The following GATM variants were observed in gnomAD, a reference collection of about 807,000 sequenced individuals.
The protein encoded by GATM is glycine amidinotransferase.
Under a neutral mutation model 54.2 loss-of-function variants are expected in GATM, and 23 were observed. That is an observed-to-expected ratio of 0.42 (90% CI 0.31 to 0.60). GATM has a LOEUF of 0.60. Among genes scored for constraint, GATM ranks in the 20% least tolerant of loss-of-function variants. GATM has a pLI of 0.14. For synonymous variants in GATM, 168 were observed against 183.1 expected, an observed-to-expected ratio of 0.92 and a Z score of 0.67; for missense variants, 401 against 544.9, an observed-to-expected ratio of 0.74 and a Z score of 2.63.
chr15:45,401,332 A>C (rs1327094687), intron 1 of GATM, among the ~76,000 whole-genome samples: 2 of 152,212 alleles, frequency 1.3e-5, no homozygotes, highest in Admixed American at 6.5e-5. Flanking sequence ...TAGAAAAAAA[A>C]AACTTCCCAG....
At position 45,365,956 on chromosome 15, in the gene GATM, T is replaced by C. The variant is rs771601928; in HGVS notation, c.978+90A>G. 4.9e-5 allele frequency: 60 copies of C among 1,217,666 alleles called. 2 individuals are homozygous for C. In the South Asian group the frequency reaches 5.1e-4, roughly 10 times the overall value. The allele number at this position is 1,217,666 out of a possible 1,614,324, so 75.4% of individuals were successfully genotyped here. On this transcript the variant is annotated intron_variant, in intron 6 of 8. Transcript: ENST00000396659. The stretch of plus-strand genomic sequence containing the variant: ...TGCTGAATCTGTCATTTAGAACCAT[T>C]AGGAACCATGGAAGTGCTTAAAATA...
At position 45,362,104 on chromosome 15, in the gene GATM, C is replaced by T; in HGVS notation, c.*5G>A. 4.5e-6 allele frequency: 7 copies of T among 1,572,252 alleles called. No homozygotes were observed. The highest frequency in any genetic ancestry group is 4.4e-6 in the Non-Finnish European group (5 of 1,142,828). ...GAGGCCAGCCACAAGCTCCATCAGG[C>T]CTGTTCAGTCCAAGTAGGACTGTAA... is the stretch of plus-strand genomic sequence containing the variant. On this transcript the variant is annotated 3_prime_UTR_variant, in exon 9 of 9. Transcript: ENST00000396659.
chr15:45,373,954 A>C (rs538188246), intron 2 of GATM, among the ~76,000 whole-genome samples: 1 of 152,372 alleles, frequency 6.6e-6, no homozygotes, highest in South Asian at 2.1e-4. Flanking sequence ...ACTGATATCT[A>C]CAACTATTAC....
At chr15:45,394,127 C>A (rs1350699048) in intron 3 of GATM, among the ~76,000 whole-genome samples, 1 of 152,194 alleles carries the variant, frequency 6.6e-6, no homozygotes, top group Non-Finnish European at 1.5e-5. Context: ...AGGAACCAAG[C>A]CACACAGCAG....
chr15:45,386,042 T>G (rs1293461411), intron 3 of GATM, among the ~76,000 whole-genome samples: 3 of 152,222 alleles, frequency 2.0e-5, no homozygotes, highest in Admixed American at 6.5e-5. Context: ...GTAATAAAAT[T>G]TGTACGCTTT....
intron 8 of GATM, among the ~76,000 whole-genome samples, chr15:45,362,894 A>C (rs370635680): frequency 1.3e-5 from 2 of 152,202 alleles, no homozygotes; most frequent in African/African-American, 4.8e-5. Context: ...ATTCTTCCTC[A>C]AGGAGCTAAT....
At chr15:45,364,451 T>C in intron 7 of GATM, 1 of 310,194 alleles carries the variant, frequency 3.2e-6, no homozygotes, top group South Asian at 3.7e-5. Flanking sequence ...GAAAGATCAC[T>C]TGAGCCCAGG....
chr15:45,376,876 G>A (rs766754085), intron 1 of GATM, 57 bp from the exon 2 acceptor site: 6 of 1,480,266 alleles, frequency 4.1e-6, no homozygotes, highest in Non-Finnish European at 5.6e-6. Flanking sequence ...TACTTACAGA[G>A]AGGAGGAAGT....
Position 45,366,372 on chromosome 15 carries a change from T to C in GATM, c.812A>G (p.Gln271Arg), listed in dbSNP as rs774528761. ...AGRDIFAQRS[Q>R]VTNYLGIEWM... ...ATTTCAGAGGCAGCCTGCGTTCACC[T>C]GGCTTCTCTGTGCAAAAATATCTCT... The change falls in exon 5 of 9, where the codon CAG (glutamine) becomes CGG (arginine). Residue 271 changes from glutamine to arginine, a missense_variant and splice_region_variant. Coordinates refer to ENST00000396659, the MANE Select transcript of GATM (RefSeq NM_001482.3). The C allele has an allele frequency of 6.2e-7, 1 of 1,614,188 alleles. No individual in the cohort carries two copies. Among genetic ancestry groups the C allele is most frequent in the Non-Finnish European group, 8.5e-7 (1 of 1,180,022 alleles).
At chr15:45,380,463 CA>C (rs1417177559), upstream of GATM, 1 of 152,054 alleles carries the variant, frequency 6.6e-6, no homozygotes, top group East Asian at 1.9e-4. Context: ...TAACATTTCT[CA>C]AAATTTAAAA....
At chr15:45,380,817 C>G (rs1289878802), upstream of GATM, among the ~76,000 whole-genome samples, 1 of 152,110 alleles carries the variant, frequency 6.6e-6, no homozygotes, top group Non-Finnish European at 1.5e-5. Context: ...TAGCGCCACC[C>G]AAACCAGTCC....
chr15:45,396,652 T>C (rs369161678), intron 3 of GATM, among the ~76,000 whole-genome samples: 11 of 152,102 alleles, frequency 7.2e-5, no homozygotes, highest in African/African-American at 2.4e-4. Context: ...GGGCGGGTCA[T>C]GAGGTCAGGA....
At chr15:45,376,920 A>T in intron 1 of GATM, 101 bp from the exon 2 acceptor site, 1 of 1,048,956 alleles carries the variant, frequency 9.5e-7, no homozygotes. Flanking sequence ...TAACATTGCC[A>T]CTTAAACCCC....
Position 45,378,469 on chromosome 15 carries a change from G to A in GATM, c.-16C>T, listed in dbSNP as rs1057521849. ...CCCGCAGCATCGCCCTGGCCCGGCTGGTCCACGCGCGGAATGTTCCTGGCC... is the reference window on the plus strand; with the variant it reads ...CCCGCAGCATCGCCCTGGCCCGGCTAGTCCACGCGCGGAATGTTCCTGGCC... On this transcript the variant is annotated 5_prime_UTR_variant, in exon 1 of 9. Transcript: ENST00000396659. 1.4e-6 allele frequency: 2 copies of A among 1,430,436 alleles called. No individual in the cohort carries two copies. The highest frequency in any genetic ancestry group is 1.8e-6 in the Non-Finnish European group (2 of 1,098,326). The allele number at this position is 1,430,436 out of a possible 1,614,324, so 88.6% of individuals were successfully genotyped here. A position where few individuals can be genotyped will look rare whatever the true frequency, so the allele number is the denominator to read the frequency against.
intron 1 of GATM, chr15:45,378,132 C>T (rs1889672481): frequency 4.5e-6 from 2 of 442,394 alleles, no homozygotes; most frequent in Non-Finnish European, 4.0e-6. Context: ...GCGCAGACAG[C>T]AAGTGGACCC....
rs1291311823 is a variant in GATM, at chr15:45,362,062, G to A, written c.*47C>T. On this transcript the variant is annotated 3_prime_UTR_variant, in exon 9 of 9. Coordinates refer to ENST00000396659, the MANE Select transcript of GATM (RefSeq NM_001482.3). ...GCAGGAGAATGAACCTTGCCCCTAA[G>A]CTTCTTAGGTGTATCTGAGGCCAGC... The A allele has an allele frequency of 8.8e-7, 1 of 1,134,256 alleles. No homozygotes were observed. The highest frequency in any genetic ancestry group is 2.4e-5 in the East Asian group (1 of 42,482). 70.3% of individuals were successfully genotyped at this position (1,134,256 alleles called of 1,614,324 possible).
Position 45,378,412 on chromosome 15 carries a change from G to C in GATM, c.42C>G (p.Ala14=), listed in dbSNP as rs892312757. Residue 14 remains alanine (A), a synonymous_variant, in exon 1 of 9, where the codon GCC becomes GCG. Coordinates refer to ENST00000396659, the MANE Select transcript of GATM (RefSeq NM_001482.3). ...VRCLRGGSRG[A]EAVHYIGSRL... is the part of the protein sequence containing the mutation. ...GAGATCCGATGTAGTGCACCGCCTC[G>C]GCGCCGCGGCTCCCGCCGCGCAGAC... is the stretch of plus-strand genomic sequence containing the variant. 6.6e-7 allele frequency: 1 copy of C among 1,504,656 alleles called. No homozygotes were observed. Among genetic ancestry groups the C allele is most frequent in the Non-Finnish European group, 8.8e-7 (1 of 1,133,566 alleles). The allele number at this position is 1,504,656 out of a possible 1,614,324, so 93.2% of individuals were successfully genotyped here.
intron 3 of GATM, among the ~76,000 whole-genome samples, chr15:45,396,593 GGGC>G: frequency 6.6e-6 from 1 of 152,104 alleles, no homozygotes; most frequent in African/African-American, 2.4e-5. Flanking sequence ...TATTTGGGCT[GGGC>G]ACAGTGGCTC....
chr15:45,369,436 G>C lies in GATM; in HGVS notation c.374C>G (p.Ala125Gly). Residue 125 changes from alanine (A) to glycine (G), a missense_variant, in exon 3 of 9, where the codon GCT becomes GGT. Coordinates refer to ENST00000396659, the MANE Select transcript of GATM (RefSeq NM_001482.3). Reference sequence around the variant, plus strand: ...AATATTGCACATTTCTTCAATTTCAGCAACAGCCTTTTTCAAATGATCTTT... The same window carrying C: ...AATATTGCACATTTCTTCAATTTCACCAACAGCCTTTTTCAAATGATCTTT... ...FPKDHLKKAV[A>G]EIEEMCNILK... is the part of the protein sequence containing the mutation. The C allele has an allele frequency of 6.2e-7, 1 of 1,614,092 alleles. No individual in the cohort carries two copies. Among genetic ancestry groups the C allele is most frequent in the Non-Finnish European group, 8.5e-7 (1 of 1,179,964 alleles).
Sources: gnomAD v4.1 joint callset for allele counts (sites outside exome capture counted in the v4.1 genomes callset) on GRCh38, gnomAD v4.1.1 for gene constraint, MANE v1.5 for transcripts, NCBI Gene and HGNC (gene_info 2026-07-23, HGNC 2026-07-21) for gene names.